The following MYO16 variants were observed in gnomAD, a reference collection of about 807,000 sequenced individuals.
The protein encoded by MYO16 is myosin XVI, also known as unconventional myosin-XVI.
Under a neutral mutation model 205.3 loss-of-function variants are expected in MYO16, and 94 were observed. The ratio of observed to expected loss-of-function variants is 0.46; its 90% CI spans 0.39 to 0.54. The LOEUF (loss-of-function observed/expected upper bound fraction) is 0.54. MYO16 is among the 20% of genes least tolerant of loss of function. The pLI, the probability that MYO16 is intolerant of heterozygous loss-of-function variation, is 0.00. For synonymous variants in MYO16, 988 were observed against 954.0 expected (o/e 1.04, Z -0.66); for missense variants, 2,315 against 2,387.5 (o/e 0.97, Z 0.63).
intron 16 of MYO16, among the ~76,000 whole-genome samples, chr13:108,945,005 A>G (rs1882880444): frequency 6.6e-6 from 1 of 152,212 alleles, no homozygotes; most frequent in Non-Finnish European, 1.5e-5. Context: ...CAACAAACAT[A>G]TTAAGCCCAG....
chr13:108,762,018 C>T (rs1286204660), intron 4 of MYO16, among the ~76,000 whole-genome samples: 1 of 152,126 alleles, frequency 6.6e-6, no homozygotes, highest in Non-Finnish European at 1.5e-5. Flanking sequence ...CTTTACAAGC[C>T]TCCAATGTCT....
intron 4 of MYO16, among the ~76,000 whole-genome samples, chr13:108,738,841 T>G (rs1232669869): frequency 6.6e-6 from 1 of 152,222 alleles, no homozygotes; most frequent in Non-Finnish European, 1.5e-5. Flanking sequence ...TGCATATATA[T>G]TTAGGATAGT....
chr13:108,839,377 A>G (rs760530215), intron 9 of MYO16, among the ~76,000 whole-genome samples: 1 of 152,180 alleles, frequency 6.6e-6, no homozygotes, highest in African/African-American at 2.4e-5. Flanking sequence ...AGATCTGGCT[A>G]TGAAATTTTT....
At chr13:108,713,736 A>G (rs1415115570) in intron 3 of MYO16, among the ~76,000 whole-genome samples, 1 of 152,238 alleles carries the variant, frequency 6.6e-6, no homozygotes, top group Non-Finnish European at 1.5e-5. Flanking sequence ...AGCAGAACAG[A>G]AAAAGAACAG....
chr13:109,131,710 T>C (rs577739244), intron 31 of MYO16, among the ~76,000 whole-genome samples: 4 of 152,318 alleles, frequency 2.6e-5, no homozygotes, highest in African/African-American at 7.2e-5. Context: ...TCTTTGCAAA[T>C]AGTGGCTAGG....
intron 2 of MYO16, among the ~76,000 whole-genome samples, chr13:108,679,950 C>T (rs1293339344): frequency 1.3e-5 from 2 of 152,068 alleles, no homozygotes; most frequent in Non-Finnish European, 2.9e-5. Context: ...TTCTGCCATC[C>T]CCTATCTAGA....
intron 4 of MYO16, among the ~76,000 whole-genome samples, chr13:108,774,926 G>C (rs564165921): frequency 6.6e-6 from 1 of 152,072 alleles, no homozygotes; most frequent in Admixed American, 6.5e-5. Context: ...TTCTTATAAA[G>C]TACAGCATTC....
chr13:108,801,849 G>A (rs150117863), intron 6 of MYO16, among the ~76,000 whole-genome samples: 83 of 152,262 alleles, frequency 5.5e-4, no homozygotes, highest in Non-Finnish European at 5.7e-4. Context: ...GTGAGCTCTC[G>A]ATCAAAGTTA....
chr13:108,526,582 A>G, the MYO16 span, among the ~76,000 whole-genome samples: 1 of 152,208 alleles, frequency 6.6e-6, no homozygotes, highest in Non-Finnish European at 1.5e-5. Context: ...TACTGAACGA[A>G]TAGTGCTAGA....
At chr13:108,544,412 G>A in the MYO16 span, among the ~76,000 whole-genome samples, 4 of 152,226 alleles carry the variant, frequency 2.6e-5, no homozygotes, top group African/African-American at 9.6e-5. Flanking sequence ...GCACATGTGA[G>A]GGGTATATAT....
intron 3 of MYO16, among the ~76,000 whole-genome samples, chr13:108,714,150 G>A (rs1883835923): frequency 6.6e-6 from 1 of 152,140 alleles, no homozygotes; most frequent in South Asian, 2.1e-4. Context: ...TCCGTCTCCT[G>A]GTTCACGCCA....
intron 1 of MYO16, among the ~76,000 whole-genome samples, chr13:108,636,349 T>C (rs1880227830): frequency 4.6e-5 from 1 of 21,750 alleles, no homozygotes; most frequent in African/African-American, 2.5e-4. Flanking sequence ...TATTTCCCTT[T>C]TTTTTTTTTT....
At chr13:108,714,209 T>C (rs142301160) in intron 3 of MYO16, among the ~76,000 whole-genome samples, 2,330 of 152,108 alleles carry the variant, frequency 0.015, 53 homozygotes, top group African/African-American at 0.05. Flanking sequence ...GCACCCGCCA[T>C]CACGCCCAGC....
Position 109,128,584 on chromosome 13 carries a change from C to T in MYO16, c.4051+1034C>T, listed in dbSNP as rs149826992. 3.1e-3 allele frequency among the ~76,000 whole-genome samples: 465 copies of T among 151,828 alleles called. 5 individuals carry two copies. The highest frequency in any genetic ancestry group is 0.026 in the East Asian group (134 of 5,166). On this transcript the variant is annotated intron_variant, in intron 31 of 34. Transcript: ENST00000457511. The stretch of plus-strand genomic sequence containing the variant: ...GACTGAAGCAGTAAGTCCATCCTAG[C>T]CAACTTCTTTTTTTTTTTCAAATTT...
At chr13:108,826,253 C>T (rs565172016) in intron 9 of MYO16, among the ~76,000 whole-genome samples, 3 of 152,094 alleles carry the variant, frequency 2.0e-5, no homozygotes, top group African/African-American at 7.2e-5. Flanking sequence ...AACTGAGAAT[C>T]CAAAAAGAAC....
intron 2 of MYO16, among the ~76,000 whole-genome samples, chr13:108,687,309 C>T (rs1289815311): frequency 6.6e-6 from 1 of 152,146 alleles, no homozygotes; most frequent in Non-Finnish European, 1.5e-5. Context: ...TATGGATAAG[C>T]CCCTGGTTCT....
chr13:109,030,337 T>C (rs1354360802), intron 23 of MYO16, among the ~76,000 whole-genome samples: 4 of 152,254 alleles, frequency 2.6e-5, no homozygotes, highest in Admixed American at 6.5e-5. Context: ...GGGAAAATAA[T>C]TGGACACATT....
At chr13:108,763,952 G>T (rs200554183) in intron 4 of MYO16, among the ~76,000 whole-genome samples, 1 of 149,742 alleles carries the variant, frequency 6.7e-6, no homozygotes, top group Non-Finnish European at 1.5e-5. Context: ...CGAGAAAAAG[G>T]CTACAAAAAA....
At chr13:108,564,036 T>A in the MYO16 span, among the ~76,000 whole-genome samples, 4 of 152,190 alleles carry the variant, frequency 2.6e-5, no homozygotes, top group African/African-American at 9.6e-5. Flanking sequence ...GAAAGCCATT[T>A]TAACTGGGGT....
Sources: gnomAD v4.1 joint callset for allele counts (sites outside exome capture counted in the v4.1 genomes callset) on GRCh38, gnomAD v4.1.1 for gene constraint, MANE v1.5 for transcripts, NCBI Gene and HGNC (gene_info 2026-07-23, HGNC 2026-07-21) for gene names.